The following CDKL5 variants were observed in gnomAD, a reference collection of about 807,000 sequenced individuals.
The protein encoded by CDKL5 is cyclin dependent kinase like 5, also known as cyclin-dependent kinase-like 5.
A neutral mutation model predicts 61.7 loss-of-function variants in CDKL5; 8 were observed. The observed-to-expected ratio is 0.13, with a 90% CI of 0.08 to 0.23. CDKL5 has a LOEUF of 0.23. Ranked by LOEUF, CDKL5 falls within the 10% of genes least tolerant of loss-of-function variation. The probability of loss-of-function intolerance (pLI) is 1.00; values close to 1 mark genes in which losing one functional copy is unlikely to be tolerated. For synonymous variants in CDKL5, 275 were observed against 272.3 expected, an observed-to-expected ratio of 1.01 and a Z score of -0.10; for missense variants, 440 against 734.5, an observed-to-expected ratio of 0.60 and a Z score of 4.63.
chrX:18,473,828 A>G (rs751921038), intron 1 of CDKL5, among the ~76,000 whole-genome samples: 1 of 106,246 alleles, frequency 9.4e-6, no homozygotes, highest in South Asian at 4.2e-4. Context: ...TTCTTGTGGC[A>G]TTTTTTAAAG....
chrX:18,552,685 G>A (rs1007451980), intron 3 of CDKL5, among the ~76,000 whole-genome samples: 4 of 111,528 alleles, frequency 3.6e-5, no homozygotes, highest in Non-Finnish European at 5.6e-5. Context: ...GAGGAGCCGT[G>A]GGAAGGCTCC....
At chrX:18,643,860 A>G (rs983898876), downstream of CDKL5, among the ~76,000 whole-genome samples, 44 of 110,822 alleles carry the variant, frequency 4.0e-4, no homozygotes, top group African/African-American at 1.3e-3. Context: ...TCAGGAGTCT[A>G]CTGCGTTTAG....
downstream of CDKL5, chrX:18,644,333 C>T: frequency 6.8e-6 from 5 of 739,738 alleles, no homozygotes; most frequent in Admixed American, 6.7e-5. Flanking sequence ...GCTGTGGAGT[C>T]GGTGCTCTGA....
rs1156694391 is a variant in CDKL5, at chrX:18,608,855, G to A, written c.1989G>A (p.Ser663=). The A allele has an allele frequency of 4.1e-6, 5 of 1,208,413 alleles. No individual in the cohort carries two copies. The highest frequency in any genetic ancestry group is 5.6e-6 in the Non-Finnish European group (5 of 893,033). The stretch of plus-strand genomic sequence containing the variant: ...CAGAGATGACTGTGGCAAGATCTTC[G>A]GTCAAAGAGACCTCCAGAGAAGGCA... The part of the protein sequence containing the change: ...LPPEMTVARS[S]VKETSREGTS... Residue 663 remains serine, a synonymous_variant, in exon 13 of 18, where the codon TCG becomes TCA. Coordinates refer to ENST00000623535, the MANE Select transcript of CDKL5 (RefSeq NM_001323289.2).
chrX:18,460,898 G>A (rs932027954), intron 1 of CDKL5, among the ~76,000 whole-genome samples: 1 of 112,017 alleles, frequency 8.9e-6, no homozygotes, highest in African/African-American at 3.2e-5. Context: ...AATTTTCCAT[G>A]TTCCCAAATT....
chrX:18,564,927 T>C (rs1433070335), intron 4 of CDKL5, among the ~76,000 whole-genome samples: 2 of 111,766 alleles, frequency 1.8e-5, no homozygotes, highest in African/African-American at 6.5e-5. Flanking sequence ...AAGATTTCAG[T>C]ATTGGTTACG....
chrX:18,509,246 C>CACACACACA (rs1555940191), intron 2 of CDKL5, among the ~76,000 whole-genome samples: 41 of 97,183 alleles, frequency 4.2e-4, no homozygotes, highest in Non-Finnish European at 6.2e-4. Context: ...CACACACACA[C>CACACACACA]CCCTGTCAAG....
Position 18,634,479 on chromosome X carries a change from A to AAAAAC in CDKL5, c.*5737_*5741dup, listed in dbSNP as rs1927326607. The AAAAAC allele has an allele frequency of 2.7e-6, 2 of 754,307 alleles. No individual in the cohort carries two copies. Among genetic ancestry groups the AAAAAC allele is most frequent in the Non-Finnish European group, 3.1e-6 (2 of 639,281 alleles). 62.2% of individuals were successfully genotyped at this position (754,307 alleles called of 1,213,427 possible). Reference sequence around the variant, plus strand: ...GTTCAAACTCTGTAGAGTTTCATGGAAAAACAAAACAAAACAAAAAAGATG... The same window carrying AAAAAC: ...GTTCAAACTCTGTAGAGTTTCATGGAAAAACAAAACAAAACAAAACAAAAAAGATG... On this transcript the variant is annotated 3_prime_UTR_variant, in exon 18 of 18. Transcript: ENST00000623535.
At chrX:18,526,869 C>T (rs1348282009) in intron 3 of CDKL5, among the ~76,000 whole-genome samples, 1 of 109,979 alleles carries the variant, frequency 9.1e-6, no homozygotes, top group African/African-American at 3.3e-5. Context: ...CCGCAACCTC[C>T]GCCTCCTGGG....
Position 18,635,589 on chromosome X carries a change from A to G in CDKL5, c.*6832A>G. 1.3e-6 allele frequency: 1 copy of G among 752,709 alleles called. No homozygotes were observed. The highest frequency in any genetic ancestry group is 1.6e-6 in the Non-Finnish European group (1 of 637,731). The allele number at this position is 752,709 out of a possible 1,213,427, so 62.0% of individuals were successfully genotyped here. A position where few individuals can be genotyped will look rare whatever the true frequency, so the allele number is the denominator to read the frequency against. On this transcript the variant is annotated 3_prime_UTR_variant, in exon 18 of 18. Transcript: ENST00000623535. ...ACTAGGCAAATCCTGTAACTTAATG[A>G]TGTTGATCTTTGTTTTCCTATTTAT...
At chrX:18,495,386 C>T (rs1169106042) in intron 1 of CDKL5, among the ~76,000 whole-genome samples, 1 of 112,278 alleles carries the variant, frequency 8.9e-6, no homozygotes. Flanking sequence ...CTTTAGATAC[C>T]TGCTTGTTTG....
chrX:18,607,380 A>G (rs1028874720), intron 12 of CDKL5, among the ~76,000 whole-genome samples: 2 of 112,235 alleles, frequency 1.8e-5, no homozygotes, highest in Non-Finnish European at 3.8e-5. Flanking sequence ...CAGAGGAGAC[A>G]TGGAAGGGAA....
rs1204561636 is a variant in CDKL5 at position 18,509,197 on chromosome X, G to GCACGCGCGCGCGCACA, written c.65-1620_65-1619insGCGCGCGCGCACACAC. Among the ~76,000 whole-genome samples, 14 of 64,305 alleles carry GCACGCGCGCGCGCACA rather than the reference G, an allele frequency of 2.2e-4. No homozygotes were observed. The East Asian group carries it at 8.3e-3, about 38-fold the overall frequency. The allele number at this position is 64,305 out of a possible 115,157, so 55.8% of individuals were successfully genotyped here. The stretch of plus-strand genomic sequence containing the variant: ...AGAGAGCGAGACTGTCTCAAAACAC[G>GCACGCGCGCGCGCACA]CACACACACACACACACACACACAC... On this transcript the variant is annotated intron_variant, in intron 2 of 17. Transcript: ENST00000623535.
downstream of CDKL5, chrX:18,644,415 A>G: frequency 8.3e-7 from 1 of 1,208,982 alleles, no homozygotes; most frequent in Non-Finnish European, 1.1e-6. Context: ...TTGGTTTGGG[A>G]TAAGCCCAAC....
At chrX:18,514,173 A>ATC (rs1043636547) in intron 3 of CDKL5, among the ~76,000 whole-genome samples, 10 of 111,521 alleles carry the variant, frequency 9.0e-5, no homozygotes, top group Non-Finnish European at 1.7e-4. Flanking sequence ...TGCATAGAAT[A>ATC]TGATGTTGGG....
intron 3 of CDKL5, among the ~76,000 whole-genome samples, chrX:18,532,890 C>T (rs372794321): frequency 9.0e-6 from 1 of 110,986 alleles, no homozygotes; most frequent in Non-Finnish European, 1.9e-5. Flanking sequence ...TCTCACTGAA[C>T]GTACTGTGAG....
chrX:18,510,916 A>G (rs1164752266), intron 3 of CDKL5, 62 bp downstream of exon 3: 1 of 847,599 alleles, frequency 1.2e-6, no homozygotes, highest in African/African-American at 2.0e-5. Context: ...AAACTAATGT[A>G]GTGGTCTTTG....
At position 18,554,414 on chromosome X, in the gene CDKL5, C is replaced by CT. The variant is rs1352845700; in HGVS notation, c.100-10046dup. Reference sequence around the variant, plus strand: ...TATACCTTTTGGTATATTTCACTGTCTTTTTTTTTTTTTTTTTGTGAGACA... The same window carrying CT: ...TATACCTTTTGGTATATTTCACTGTCTTTTTTTTTTTTTTTTTTGTGAGACA... On this transcript the variant is annotated intron_variant, in intron 3 of 17. Coordinates refer to ENST00000623535, the MANE Select transcript of CDKL5 (RefSeq NM_001323289.2). 2.9e-3 allele frequency among the ~76,000 whole-genome samples: 273 copies of CT among 94,883 alleles called. 1 individual carries two copies. Among genetic ancestry groups the CT allele is most frequent in the South Asian group, 5.8e-3 (12 of 2,082 alleles). 82.4% of individuals were successfully genotyped at this position (94,883 alleles called of 115,157 possible). A position where few individuals can be genotyped will look rare whatever the true frequency, so the allele number is the denominator to read the frequency against.
chrX:18,430,305 C>G (rs1024090538), intron 1 of CDKL5, among the ~76,000 whole-genome samples: 3 of 112,384 alleles, frequency 2.7e-5, no homozygotes, highest in African/African-American at 9.7e-5. Flanking sequence ...TTCGAAGATA[C>G]TCCTTGAATT....
Sources: gnomAD v4.1 joint callset for allele counts (sites outside exome capture counted in the v4.1 genomes callset) on GRCh38, gnomAD v4.1.1 for gene constraint, MANE v1.5 for transcripts, NCBI Gene and HGNC (gene_info 2026-07-23, HGNC 2026-07-21) for gene names.